ADAMTSL1: variants seen among roughly 807,000 people sequenced by gnomAD.
ADAMTSL1 encodes the protein ADAMTS-like protein 1.
Under a neutral mutation model 201.8 loss-of-function variants are expected in ADAMTSL1, and 126 were observed. The observed-to-expected ratio is 0.62, with a 90% confidence interval of 0.54 to 0.72. The LOEUF is 0.72. Among genes scored for constraint, ADAMTSL1 ranks in the 30% least tolerant of loss-of-function variants. The probability of loss-of-function intolerance (pLI) is 0.00; values close to 1 mark genes in which losing one functional copy is unlikely to be tolerated. For synonymous variants in ADAMTSL1, 1,121 were observed against 903.4 expected (o/e 1.24, Z -4.32); for missense variants, 2,679 against 2,277.8 (o/e 1.18, Z -3.59).
At chr9:17,982,557 A>C (rs1019938685) in intron 1 of ADAMTSL1, among the ~76,000 whole-genome samples, 3 of 152,226 alleles carry the variant, frequency 2.0e-5, no homozygotes, top group African/African-American at 7.2e-5. Flanking sequence ...AGTTGCAGTA[A>C]GCCGAGATCG....
At chr9:17,922,935 C>A (rs190850987) in intron 1 of ADAMTSL1, among the ~76,000 whole-genome samples, 10 of 152,250 alleles carry the variant, frequency 6.6e-5, no homozygotes, top group Admixed American at 4.6e-4. Flanking sequence ...AAGCCCCAAC[C>A]CTTACGCCCC....
intron 1 of ADAMTSL1, among the ~76,000 whole-genome samples, chr9:18,158,815 C>T (rs1827265673): frequency 6.6e-6 from 1 of 151,868 alleles, no homozygotes; most frequent in African/African-American, 2.4e-5. Context: ...ACCAGATTTT[C>T]CTTCCTTCTG....
intron 23 of ADAMTSL1, among the ~76,000 whole-genome samples, chr9:18,874,947 G>A (rs1008759742): frequency 1.3e-5 from 2 of 152,008 alleles, no homozygotes; most frequent in Non-Finnish European, 2.9e-5. Context: ...CTCACTGCTT[G>A]TTATTGATCT....
chr9:18,746,282 C>A (rs1249394384), intron 15 of ADAMTSL1, among the ~76,000 whole-genome samples: 1 of 152,106 alleles, frequency 6.6e-6, no homozygotes, highest in Non-Finnish European at 1.5e-5. Context: ...GGAGATGCAT[C>A]CTGAAGGGAG....
intron 23 of ADAMTSL1, among the ~76,000 whole-genome samples, chr9:18,838,811 T>C (rs1178245642): frequency 6.7e-6 from 1 of 150,258 alleles, no homozygotes; most frequent in Non-Finnish European, 1.5e-5. Context: ...TGAGCTATAA[T>C]CTGCAAGTGA....
chr9:18,020,319 G>A (rs1017342722), intron 1 of ADAMTSL1, among the ~76,000 whole-genome samples: 3 of 152,060 alleles, frequency 2.0e-5, no homozygotes, highest in Non-Finnish European at 2.9e-5. Context: ...CTGCAAAAGC[G>A]ATGGGATGTT....
intron 23 of ADAMTSL1, among the ~76,000 whole-genome samples, chr9:18,873,557 T>A (rs1029794713): frequency 2.6e-5 from 4 of 152,312 alleles, no homozygotes; most frequent in African/African-American, 9.6e-5. Context: ...GAATAGGGTG[T>A]CCTTTCCCCA....
intron 11 of ADAMTSL1, chr9:18,681,169 A>G (rs1350917241): frequency 1.3e-5 from 2 of 152,400 alleles, no homozygotes; most frequent in African/African-American, 4.8e-5. Flanking sequence ...ATGACAAAAG[A>G]CTCTTCACTG....
At chr9:18,258,867 T>C (rs1181066801) in intron 2 of ADAMTSL1, among the ~76,000 whole-genome samples, 1 of 152,190 alleles carries the variant, frequency 6.6e-6, no homozygotes, top group Non-Finnish European at 1.5e-5. Context: ...ATACTTTGGC[T>C]TCTCTCCTGA....
chr9:18,645,437 G>C (rs1193211662), intron 7 of ADAMTSL1, among the ~76,000 whole-genome samples: 1 of 151,652 alleles, frequency 6.6e-6, no homozygotes, highest in Non-Finnish European at 1.5e-5. Flanking sequence ...CATTGCTTTT[G>C]GTGTTTTAGA....
At chr9:18,234,033 A>G (rs1473667931) in intron 2 of ADAMTSL1, among the ~76,000 whole-genome samples, 1 of 152,198 alleles carries the variant, frequency 6.6e-6, no homozygotes, top group African/African-American at 2.4e-5. Flanking sequence ...ACGCCTGTGA[A>G]GGTTGGTGGC....
Position 18,777,433 on chromosome 9 carries a change from C to T in ADAMTSL1, c.3204C>T (p.Pro1068=), listed in dbSNP as rs767119355. The change falls in exon 19 of 29, where the codon CCC becomes CCT. Residue 1068 remains proline (P), a synonymous_variant. Coordinates refer to ENST00000380548, the MANE Select transcript of ADAMTSL1 (RefSeq NM_001040272.6). ...PGAEQVLLHL[P]FTMVTEQRRL... ...CAGAGCAAGTGCTCCTGCACCTGCC[C>T]TTCACCATGGTGACCGAGCAGCGGC... The T allele has an allele frequency of 6.2e-6, 10 of 1,600,184 alleles. No homozygotes were observed. The East Asian group carries it at 2.3e-4, about 36-fold the overall frequency.
chr9:17,966,804 C>A (rs576555407), intron 1 of ADAMTSL1, among the ~76,000 whole-genome samples: 122 of 151,898 alleles, frequency 8.0e-4, no homozygotes, highest in African/African-American at 2.9e-3. Context: ...TTAAGGATTT[C>A]CCTCCCCAAT....
At chr9:18,773,535 A>C (rs996683414) in intron 17 of ADAMTSL1, among the ~76,000 whole-genome samples, 14 of 152,226 alleles carry the variant, frequency 9.2e-5, no homozygotes, top group African/African-American at 3.4e-4. Context: ...CAATAATCTT[A>C]AACAGATAAA....
intron 20 of ADAMTSL1, among the ~76,000 whole-genome samples, chr9:18,803,070 T>A (rs1447056763): frequency 6.6e-6 from 1 of 152,222 alleles, no homozygotes; most frequent in Non-Finnish European, 1.5e-5. Context: ...TTTGCTGCCA[T>A]AACAAATAAC....
At chr9:18,404,283 C>T (rs1818099120) in intron 2 of ADAMTSL1, among the ~76,000 whole-genome samples, 1 of 152,142 alleles carries the variant, frequency 6.6e-6, no homozygotes, top group South Asian at 2.1e-4. Context: ...TGATTAACTC[C>T]TGAATACTTT....
intron 2 of ADAMTSL1, among the ~76,000 whole-genome samples, chr9:18,175,643 C>T (rs745992733): frequency 2.0e-5 from 3 of 152,060 alleles, no homozygotes; most frequent in Non-Finnish European, 4.4e-5. Flanking sequence ...ACTTCTTCTG[C>T]CTGGAATGTC....
chr9:18,261,471 A>G (rs1231351288), intron 2 of ADAMTSL1, among the ~76,000 whole-genome samples: 1 of 152,220 alleles, frequency 6.6e-6, no homozygotes. Context: ...ATCTAGGAAC[A>G]CAACATGTGA....
chr9:18,609,347 A>T (rs1382845914), intron 4 of ADAMTSL1, among the ~76,000 whole-genome samples: 1 of 147,662 alleles, frequency 6.8e-6, no homozygotes, highest in Non-Finnish European at 1.5e-5. Flanking sequence ...TTCATTTCTA[A>T]CAGAACCCTA....
Sources: allele counts gnomAD v4.1 joint callset (sites outside exome capture counted in the v4.1 genomes callset), GRCh38; gene constraint gnomAD v4.1.1; transcripts MANE v1.5; gene names NCBI Gene and HGNC (gene_info 2026-07-23, HGNC 2026-07-21).